PHACTR1: variants seen among roughly 807,000 people sequenced by gnomAD.
PHACTR1 encodes RPEL repeat containing 1.
A neutral mutation model predicts 69.2 loss-of-function variants in PHACTR1; 16 were observed. The ratio of observed to expected loss-of-function variants is 0.23; its 90% CI spans 0.16 to 0.35. The LOEUF (loss-of-function observed/expected upper bound fraction) is 0.35. Ranked by LOEUF, PHACTR1 falls within the 10% of genes least tolerant of loss-of-function variation. PHACTR1 has a pLI of 1.00. For synonymous variants in PHACTR1, 312 were observed against 284.5 expected, an observed-to-expected ratio of 1.10 and a Z score of -0.97; for missense variants, 510 against 734.7, an observed-to-expected ratio of 0.69 and a Z score of 3.54.
At chr6:13,019,734 ACACT>A (rs1405500497) in intron 4 of PHACTR1, among the ~76,000 whole-genome samples, 2 of 152,232 alleles carry the variant, frequency 1.3e-5, no homozygotes, top group Admixed American at 6.5e-5. Flanking sequence ...GGAGATAAAA[ACACT>A]CACATTGAAA....
chr6:12,733,740 A>T (rs1236304497), intron 3 of PHACTR1, among the ~76,000 whole-genome samples: 2 of 152,246 alleles, frequency 1.3e-5, no homozygotes, highest in Admixed American at 1.3e-4. Context: ...CCACGCAAAG[A>T]TATGTCCAAG....
At chr6:12,965,063 C>T (rs774157185) in intron 4 of PHACTR1, among the ~76,000 whole-genome samples, 1 of 152,186 alleles carries the variant, frequency 6.6e-6, no homozygotes, top group Non-Finnish European at 1.5e-5. Flanking sequence ...CAGTTTAAAT[C>T]ATCTCTAGCT....
chr6:12,851,422 A>G lies in PHACTR1; in HGVS notation c.250+101632A>G, dbSNP rs766074283. ...GAAAATGTTACCACAAAGGAATCCA[A>G]CAATACTCAGATTTTGCCTTTCAAT... On this transcript the variant is annotated intron_variant, in intron 4 of 14. Coordinates refer to ENST00000332995, the MANE Select transcript of PHACTR1 (RefSeq NM_030948.6). Among the ~76,000 whole-genome samples the G allele has an allele frequency of 3.7e-4, 57 of 152,366 alleles. 1 individual carries two copies. The highest frequency in any genetic ancestry group is 7.5e-4 in the Non-Finnish European group (51 of 68,036).
intron 7 of PHACTR1, among the ~76,000 whole-genome samples, chr6:13,183,494 G>T (rs969619536): frequency 2.6e-5 from 4 of 152,144 alleles, no homozygotes; most frequent in Non-Finnish European, 4.4e-5. Context: ...CTTCGTTATG[G>T]GACCCGGTGA....
chr6:13,217,651 A>G (rs975619708), intron 8 of PHACTR1, among the ~76,000 whole-genome samples: 126 of 152,226 alleles, frequency 8.3e-4, no homozygotes, highest in African/African-American at 2.8e-3. Context: ...TTTTCTATTC[A>G]GGAAGGCTCA....
chr6:13,272,794 G>A (rs550887964), intron 10 of PHACTR1, 66 bp from the exon 11 acceptor site: 14 of 1,613,972 alleles, frequency 8.7e-6, no homozygotes, highest in African/African-American at 2.7e-5. Flanking sequence ...TGCAAGGGCC[G>A]AGGAAATTAA....
At chr6:13,061,229 T>A (rs1194333185) in intron 5 of PHACTR1, among the ~76,000 whole-genome samples, 20 of 152,172 alleles carry the variant, frequency 1.3e-4, no homozygotes. Flanking sequence ...ATAATCTATT[T>A]CAGATATCCT....
chr6:12,811,756 C>T (rs1159731680), intron 4 of PHACTR1, among the ~76,000 whole-genome samples: 2 of 152,070 alleles, frequency 1.3e-5, no homozygotes, highest in Non-Finnish European at 2.9e-5. Flanking sequence ...CATCAGGTAC[C>T]GTTGTTTACA....
At chr6:12,812,515 T>C (rs1464682134) in intron 4 of PHACTR1, among the ~76,000 whole-genome samples, 2 of 152,244 alleles carry the variant, frequency 1.3e-5, no homozygotes, top group Non-Finnish European at 2.9e-5. Context: ...CCTAAGTTTA[T>C]AAAGCAAATA....
chr6:12,960,609 C>G (rs1472190958), intron 4 of PHACTR1, among the ~76,000 whole-genome samples: 2 of 152,186 alleles, frequency 1.3e-5, no homozygotes, highest in Admixed American at 1.3e-4. Flanking sequence ...GAGGGTCCAA[C>G]AAGGACAAAG....
intron 5 of PHACTR1, among the ~76,000 whole-genome samples, chr6:13,115,661 A>G (rs907648725): frequency 1.3e-5 from 2 of 152,152 alleles, no homozygotes; most frequent in African/African-American, 4.8e-5. Flanking sequence ...CGAAGCTCCC[A>G]TCCTGATGGC....
intron 7 of PHACTR1, among the ~76,000 whole-genome samples, chr6:13,193,997 A>G (rs958624175): frequency 6.6e-6 from 1 of 152,142 alleles, no homozygotes; most frequent in African/African-American, 2.4e-5. Context: ...GACATAAACA[A>G]TATGATGTGT....
chr6:13,156,446 G>T (rs770559819), intron 5 of PHACTR1, among the ~76,000 whole-genome samples: 6 of 151,432 alleles, frequency 4.0e-5, no homozygotes, highest in African/African-American at 9.7e-5. Context: ...GGACGTTAAA[G>T]AAATGTACTT....
intron 5 of PHACTR1, among the ~76,000 whole-genome samples, chr6:13,142,812 T>C (rs982162013): frequency 6.6e-6 from 1 of 150,776 alleles, no homozygotes; most frequent in Non-Finnish European, 1.5e-5. Context: ...GGCTTTGTAG[T>C]AAATACTAAA....
intron 7 of PHACTR1, among the ~76,000 whole-genome samples, chr6:13,197,429 TC>T (rs1433546758): frequency 1.3e-5 from 2 of 152,178 alleles, no homozygotes. Context: ...TGGGCAATAC[TC>T]CCTTTCTACA....
chr6:12,758,829 A>G (rs1767678719), intron 4 of PHACTR1, among the ~76,000 whole-genome samples: 1 of 152,186 alleles, frequency 6.6e-6, no homozygotes, highest in Non-Finnish European at 1.5e-5. Flanking sequence ...AGTATTAAAA[A>G]AAGAAAATTG....
At chr6:13,145,389 T>C (rs999066368) in intron 5 of PHACTR1, among the ~76,000 whole-genome samples, 2 of 152,198 alleles carry the variant, frequency 1.3e-5, no homozygotes, top group Non-Finnish European at 2.9e-5. Flanking sequence ...TCACAGCTGA[T>C]TGAGTTTTAT....
At chr6:13,047,150 G>A (rs1164852128) in intron 4 of PHACTR1, among the ~76,000 whole-genome samples, 1 of 152,094 alleles carries the variant, frequency 6.6e-6, no homozygotes, top group Non-Finnish European at 1.5e-5. Flanking sequence ...GGCCAAGGTG[G>A]GCGGATCACA....
intron 4 of PHACTR1, among the ~76,000 whole-genome samples, chr6:12,968,968 C>T (rs7739717): frequency 0.51 from 77,298 of 151,832 alleles, 22,797 homozygotes; most frequent in African/African-American, 0.82. Flanking sequence ...CAGATTCTGA[C>T]TCAGCAGGTC....
Sources: gnomAD v4.1 joint callset for allele counts (sites outside exome capture counted in the v4.1 genomes callset) on GRCh38, gnomAD v4.1.1 for gene constraint, MANE v1.5 for transcripts, NCBI Gene and HGNC (gene_info 2026-07-23, HGNC 2026-07-21) for gene names.